ALOX12: variants seen among roughly 807,000 people sequenced by gnomAD.
ALOX12 encodes arachidonate 12-lipoxygenase, 12S type.
ALOX12 carries 62 observed loss-of-function variants against 85.5 expected under a neutral mutation model. That is an observed-to-expected ratio of 0.73 (90% CI 0.59 to 0.90). ALOX12 has a LOEUF of 0.90. Ranked by LOEUF, ALOX12 falls within the 40% of genes least tolerant of loss-of-function variation. The pLI is 0.00. For synonymous variants in ALOX12, 299 were observed against 332.7 expected (o/e 0.90, Z 1.10); for missense variants, 751 against 856.5 (o/e 0.88, Z 1.54).
chr17:7,002,526 G>A (rs964017826), intron 8 of ALOX12: 5 of 468,802 alleles, frequency 1.1e-5, no homozygotes, highest in South Asian at 3.1e-5. Flanking sequence ...GGTGGTTCAC[G>A]CCTGTAATCC....
chr17:6,997,135 C>G (rs1908487705), intron 2 of ALOX12, 108 bp downstream of exon 2: 1 of 1,431,018 alleles, frequency 7.0e-7, no homozygotes, highest in Non-Finnish European at 9.1e-7. Flanking sequence ...TGTATGGGCC[C>G]AGGGCAGGTG....
chr17:6,999,687 G>A (rs1020959611), intron 6 of ALOX12: 1 of 526,834 alleles, frequency 1.9e-6, no homozygotes. Context: ...CACACAGAGA[G>A]GGGCTGGAGA....
chr17:7,004,974 G>GC (rs918435175), intron 8 of ALOX12, among the ~76,000 whole-genome samples: 1 of 152,132 alleles, frequency 6.6e-6, no homozygotes, highest in African/African-American at 2.4e-5. Context: ...GTCTATTGCT[G>GC]CCCCCTGTTG....
rs1909058363 is a variant in ALOX12 at position 7,006,119 on chromosome 17, A to G, written c.1418+92A>G. The G allele has an allele frequency of 3.9e-6, 4 of 1,013,680 alleles. 1 individual carries two copies. The highest frequency in any genetic ancestry group is 5.7e-6 in the Non-Finnish European group (4 of 698,822). The allele number at this position is 1,013,680 out of a possible 1,614,324, so 62.8% of individuals were successfully genotyped here. ...TGGGGCAAAAGCAAGAAGGTCCAGA[A>G]AGGAGAAGCAGAGAACTCAATCCTG... On this transcript the variant is annotated intron_variant, in intron 10 of 13. Coordinates refer to ENST00000251535, the MANE Select transcript of ALOX12 (RefSeq NM_000697.3).
At position 7,010,549 on chromosome 17, in the gene ALOX12, T is replaced by C. The variant is rs181065361; in HGVS notation, c.*126T>C. The C allele has an allele frequency of 2.6e-5, 30 of 1,176,246 alleles. No homozygotes were observed. In the East Asian group the frequency reaches 7.7e-4, roughly 30 times the overall value. The allele number at this position is 1,176,246 out of a possible 1,614,324, so 72.9% of individuals were successfully genotyped here. ...TATTTCCTCCCCCAGTTAAACCCCC[T>C]ACATTAGTATCCCACTAGCCCAGGG... On this transcript the variant is annotated 3_prime_UTR_variant, in exon 14 of 14. Transcript: ENST00000251535.
Position 7,010,092 on chromosome 17 carries a change from T to C in ALOX12, c.1778T>C (p.Ile593Thr). ...CGGCAGGCCTGTCTTCAAATGGCCATCTCATGGCATCTGAGTCGCCGCCAG... is the reference window on the plus strand; with the variant it reads ...CGGCAGGCCTGTCTTCAAATGGCCACCTCATGGCATCTGAGTCGCCGCCAG... The part of the protein sequence containing the change: ...DVRQACLQMA[I>T]SWHLSRRQPD... Residue 593 changes from isoleucine (I) to threonine (T), a missense_variant, in exon 13 of 14, where the codon ATC becomes ACC. Coordinates refer to ENST00000251535, the MANE Select transcript of ALOX12 (RefSeq NM_000697.3). 6.2e-7 allele frequency: 1 copy of C among 1,613,474 alleles called. No homozygotes were observed. Among genetic ancestry groups the C allele is most frequent in the South Asian group, 1.1e-5 (1 of 91,016 alleles).
At chr17:7,006,630 A>T (rs751413258) in intron 11 of ALOX12, 23 bp downstream of exon 11, 1 of 1,553,464 alleles carries the variant, frequency 6.4e-7, no homozygotes, top group Non-Finnish European at 8.7e-7. Context: ...CTAGAGACAG[A>T]AGAAGCTCCT....
At chr17:6,997,996 G>A (rs1360476164) in intron 2 of ALOX12, among the ~76,000 whole-genome samples, 1 of 151,656 alleles carries the variant, frequency 6.6e-6, no homozygotes, top group Non-Finnish European at 1.5e-5. Flanking sequence ...CCCAGAATAA[G>A]TCCATAGATA....
At position 7,001,716 on chromosome 17, in the gene ALOX12, G is replaced by C; in HGVS notation, c.1066G>C (p.Glu356Gln). ...CCGAAATTCAGATTTCCAACTGCACGAGATCCAGTATCACTTGCTGAACAC... is the reference window on the plus strand; with the variant it reads ...CCGAAATTCAGATTTCCAACTGCACCAGATCCAGTATCACTTGCTGAACAC... ...WVRNSDFQLH[E>Q]IQYHLLNTHL... Residue 356 changes from glutamate to glutamine, a missense_variant, in exon 8 of 14, where the codon GAG (glutamate) becomes CAG (glutamine). By Grantham distance (29) the Glu-to-Gln change is conservative (BLOSUM62 2). Coordinates refer to ENST00000251535, the MANE Select transcript of ALOX12 (RefSeq NM_000697.3). 6.2e-7 allele frequency: 1 copy of C among 1,614,050 alleles called. No individual in the cohort carries two copies. Among genetic ancestry groups the C allele is most frequent in the South Asian group, 1.1e-5 (1 of 91,082 alleles).
chr17:7,005,474 CTTTTTTTTTTT>C, intron 9 of ALOX12, 131 bp downstream of exon 9: 4 of 221,964 alleles, frequency 1.8e-5, no homozygotes, highest in Non-Finnish European at 2.4e-5. Context: ...ATACCCATGT[CTTTTTTTTTTT>C]TTTTTTTTTT....
intron 2 of ALOX12, among the ~76,000 whole-genome samples, chr17:6,997,751 G>A (rs192431679): frequency 1.5e-3 from 234 of 151,916 alleles, no homozygotes; most frequent in African/African-American, 5.5e-3. Context: ...TAGTAGAGAT[G>A]GAGTTTCACC....
chr17:7,005,214 C>A, intron 8 of ALOX12, 43 bp from the exon 9 acceptor site: 1 of 1,558,808 alleles, frequency 6.4e-7, no homozygotes, highest in Non-Finnish European at 8.8e-7. Context: ...AGGACCCAAG[C>A]ATGGCCTCCA....
At position 6,996,654 on chromosome 17, in the gene ALOX12, C is replaced by T. The variant is rs111353990; in HGVS notation, c.136-172C>T. ...GGCGCTGCGGGCCCTCGTCCTCCACCCGACTCCGGGCGTCTGAGACCCAAA... is the reference window on the plus strand; with the variant it reads ...GGCGCTGCGGGCCCTCGTCCTCCACTCGACTCCGGGCGTCTGAGACCCAAA... On this transcript the variant is annotated intron_variant, in intron 1 of 13. Transcript: ENST00000251535. 6.5e-4 allele frequency among the ~76,000 whole-genome samples: 99 copies of T among 152,302 alleles called. 1 individual carries two copies. The highest frequency in any genetic ancestry group is 9.8e-4 in the Admixed American group (15 of 15,306).
At position 7,001,582 on chromosome 17, in the gene ALOX12, A is replaced by G. The variant is rs1474281042; in HGVS notation, c.952-20A>G. On this transcript the variant is annotated intron_variant, in intron 7 of 13. Coordinates refer to ENST00000251535, the MANE Select transcript of ALOX12 (RefSeq NM_000697.3). Reference sequence around the variant, plus strand: ...ATGTCATATACGGAATGGGAGTTCAATAATTTCTCTTTCTCCCAGATTCAG... The same window carrying G: ...ATGTCATATACGGAATGGGAGTTCAGTAATTTCTCTTTCTCCCAGATTCAG... The G allele has an allele frequency of 2.5e-6, 4 of 1,596,724 alleles. No homozygotes were observed. The highest frequency in any genetic ancestry group is 1.3e-5 in the African/African-American group (1 of 74,658).
intron 1 of ALOX12, among the ~76,000 whole-genome samples, chr17:6,996,470 G>A (rs974163011): frequency 6.6e-6 from 1 of 151,986 alleles, no homozygotes; most frequent in Non-Finnish European, 1.5e-5. Context: ...TCCCTTTCCC[G>A]CCCCTGGTCC....
intron 11 of ALOX12, among the ~76,000 whole-genome samples, chr17:7,007,170 G>T (rs936062731): frequency 1.3e-5 from 2 of 152,092 alleles, no homozygotes; most frequent in African/African-American, 4.8e-5. Flanking sequence ...CCTGATCCTT[G>T]GGGCTCAGGT....
intron 9 of ALOX12, 133 bp downstream of exon 9, chr17:7,005,476 T>TA: frequency 5.1e-6 from 1 of 195,270 alleles, no homozygotes; most frequent in East Asian, 1.2e-4. Flanking sequence ...ACCCATGTCT[T>TA]TTTTTTTTTT....
intron 8 of ALOX12, among the ~76,000 whole-genome samples, chr17:7,003,313 C>A (rs553327102): frequency 1.3e-5 from 2 of 152,336 alleles, no homozygotes; most frequent in East Asian, 3.9e-4. Flanking sequence ...TAGTCCTGAA[C>A]CCCGGCCTCA....
In ALOX12 at chr17:6,998,576, A is replaced by G; in HGVS notation, c.405A>G (p.Arg135=). The G allele has an allele frequency of 6.2e-7, 1 of 1,613,832 alleles. No homozygotes were observed. The highest frequency in any genetic ancestry group is 8.5e-7 in the Non-Finnish European group (1 of 1,179,770). ...ATCGAGAGAAGGAACTGAAAGACAG[A>G]CAGCAGATCTACTGGTGACCACCCA... ...QKHREKELKD[R]QQIYCWATWK... is the part of the protein sequence containing the mutation. The change falls in exon 3 of 14, where the codon AGA becomes AGG. Residue 135 remains arginine, a synonymous_variant. Coordinates refer to ENST00000251535, the MANE Select transcript of ALOX12 (RefSeq NM_000697.3).
Sources: gnomAD v4.1 joint callset for allele counts (sites outside exome capture counted in the v4.1 genomes callset) on GRCh38, gnomAD v4.1.1 for gene constraint, MANE v1.5 for transcripts, NCBI Gene and HGNC (gene_info 2026-07-23, HGNC 2026-07-21) for gene names.